TSPAN18: variants seen among roughly 807,000 people sequenced by gnomAD.
The protein encoded by TSPAN18 is tetraspanin-18.
Under a neutral mutation model 27.3 loss-of-function variants are expected in TSPAN18, and 14 were observed. That is an observed-to-expected ratio of 0.51 (90% CI 0.34 to 0.80). The LOEUF (loss-of-function observed/expected upper bound fraction) is 0.80. Among genes scored for constraint, TSPAN18 ranks in the 30% least tolerant of loss-of-function variants. The pLI, the probability that TSPAN18 is intolerant of heterozygous loss-of-function variation, is 0.01. For missense variants in TSPAN18, 268 were observed against 323.9 expected (o/e 0.83, Z 1.32); for synonymous variants, 143 against 136.5 (o/e 1.05, Z -0.33).
intron 1 of TSPAN18, chr11:44,736,094 C>G (rs1854786490): frequency 6.6e-6 from 1 of 152,168 alleles, no homozygotes; most frequent in Admixed American, 6.5e-5. Context: ...GTTCATACAC[C>G]TATACAACTA....
intron 1 of TSPAN18, among the ~76,000 whole-genome samples, chr11:44,735,063 A>G (rs560969207): frequency 6.6e-6 from 1 of 152,308 alleles, no homozygotes; most frequent in Admixed American, 6.5e-5. Context: ...TGGTCTCTGA[A>G]GACAGGGTTC....
intron 2 of TSPAN18, among the ~76,000 whole-genome samples, chr11:44,807,032 G>T (rs889628776): frequency 1.3e-5 from 2 of 151,910 alleles, no homozygotes; most frequent in South Asian, 2.1e-4. Context: ...AATGAGTTGG[G>T]TTTAAGTCAT....
chr11:44,784,250 A>T (rs1476956552), intron 2 of TSPAN18, among the ~76,000 whole-genome samples: 2 of 152,158 alleles, frequency 1.3e-5, no homozygotes, highest in African/African-American at 4.8e-5. Flanking sequence ...GAGGGACCGA[A>T]CAGGCTGTAG....
chr11:44,928,980 A>G, intron 9 of TSPAN18, 151 bp from the exon 10 acceptor site: 1 of 972,782 alleles, frequency 1.0e-6, no homozygotes, highest in Non-Finnish European at 1.6e-6. Flanking sequence ...GCTGGTGAGA[A>G]GGGCTGGCCC....
chr11:44,866,484 G>C (rs568151240), intron 3 of TSPAN18, among the ~76,000 whole-genome samples: 1 of 152,338 alleles, frequency 6.6e-6, no homozygotes, highest in Admixed American at 6.5e-5. Context: ...AATGAGGCCA[G>C]GTGGGCAGCA....
intron 3 of TSPAN18, among the ~76,000 whole-genome samples, chr11:44,882,753 A>C (rs1313135740): frequency 1.3e-5 from 2 of 152,146 alleles, no homozygotes; most frequent in African/African-American, 4.8e-5. Context: ...ACTCAAGGCC[A>C]GAGAGTGGGG....
intron 2 of TSPAN18, among the ~76,000 whole-genome samples, chr11:44,781,571 C>T (rs899185150): frequency 3.9e-5 from 6 of 152,116 alleles, no homozygotes; most frequent in East Asian, 3.9e-4. Flanking sequence ...CAGCAGCCTG[C>T]GCTGGGCATC....
chr11:44,742,532 C>T (rs1350845273), intron 1 of TSPAN18, among the ~76,000 whole-genome samples: 1 of 152,038 alleles, frequency 6.6e-6, no homozygotes, highest in Non-Finnish European at 1.5e-5. Context: ...GTGGACTGGT[C>T]TGTCTTAGAA....
chr11:44,802,782 A>T (rs921036318), intron 2 of TSPAN18, among the ~76,000 whole-genome samples: 1 of 152,176 alleles, frequency 6.6e-6, no homozygotes, highest in African/African-American at 2.4e-5. Flanking sequence ...TGGAAGAGGA[A>T]ATAGTGAAAG....
chr11:44,908,767 AG>A (rs1170979344), intron 4 of TSPAN18, among the ~76,000 whole-genome samples: 1 of 35,088 alleles, frequency 2.8e-5, no homozygotes, highest in African/African-American at 1.2e-4. Flanking sequence ...AGAGAGAGAA[AG>A]GAGAAAGAAA....
intron 2 of TSPAN18, among the ~76,000 whole-genome samples, chr11:44,831,612 T>C (rs769382045): frequency 1.3e-5 from 2 of 152,180 alleles, no homozygotes; most frequent in Non-Finnish European, 2.9e-5. Context: ...TTTGGATCAT[T>C]CATTTACTCG....
intron 4 of TSPAN18, among the ~76,000 whole-genome samples, chr11:44,908,247 G>A (rs2135331813): frequency 6.6e-6 from 1 of 152,170 alleles, no homozygotes; most frequent in South Asian, 2.1e-4. Flanking sequence ...TCAGCTTGCA[G>A]TCCTGCTCAG....
chr11:44,729,415 C>T (rs1200125966), intron 1 of TSPAN18, among the ~76,000 whole-genome samples: 1 of 152,136 alleles, frequency 6.6e-6, no homozygotes, highest in Non-Finnish European at 1.5e-5. Context: ...TTCTCCCTAC[C>T]CCCACCCCAC....
rs1315270438 is a variant in TSPAN18, at chr11:44,727,012, G to A, written c.-515G>A. 6 of 147,522 alleles carry A rather than the reference G, an allele frequency of 4.1e-5. No homozygotes were observed. The highest frequency in any genetic ancestry group is 6.7e-5 in the Admixed American group (1 of 14,850). 9.1% of individuals were successfully genotyped at this position (147,522 alleles called of 1,614,324 possible). The stretch of plus-strand genomic sequence containing the variant: ...CAGGCTGCGGGGCGGACGTAGCGCC[G>A]AGCGATCCACCGCGGAGCCGCGCGA... On this transcript the variant is annotated 5_prime_UTR_variant, in exon 1 of 10. Transcript: ENST00000520358.
Position 44,883,737 on chromosome 11 carries a change from G to C in TSPAN18, c.-10-22670G>C, listed in dbSNP as rs572316405. Among the ~76,000 whole-genome samples the C allele has an allele frequency of 3.3e-5, 5 of 152,328 alleles. No homozygotes were observed. In the South Asian group the frequency reaches 1.0e-3, roughly 32 times the overall value. ...TCTTTCTACTGGGGTTTCTGATTCT[G>C]CTCCACGCTTTGCCCTACCAGCTTT... On this transcript the variant is annotated intron_variant, in intron 3 of 9. Coordinates refer to ENST00000520358, the MANE Select transcript of TSPAN18 (RefSeq NM_130783.5).
intron 2 of TSPAN18, among the ~76,000 whole-genome samples, chr11:44,788,446 CTTTTTTTCTCTTTTTTTTT>C (rs1463546610): frequency 7.0e-6 from 1 of 141,998 alleles, no homozygotes; most frequent in Non-Finnish European, 1.5e-5. Flanking sequence ...GATGGGTTTT[CTTTTTTTCTCTTTTTTTTT>C]TTTTTTTTTT....
intron 1 of TSPAN18, among the ~76,000 whole-genome samples, chr11:44,737,243 G>C (rs1393943523): frequency 6.6e-6 from 1 of 152,232 alleles, no homozygotes; most frequent in Admixed American, 6.5e-5. Context: ...GGGCATCCAG[G>C]ACAGAAAGGC....
intron 2 of TSPAN18, among the ~76,000 whole-genome samples, chr11:44,786,900 A>G (rs187730560): frequency 2.0e-5 from 3 of 152,080 alleles, no homozygotes; most frequent in Admixed American, 2.0e-4. Context: ...CCAAAGTGCT[A>G]GGATTACAGG....
chr11:44,884,453 C>T (rs1179949034), intron 3 of TSPAN18, among the ~76,000 whole-genome samples: 2 of 152,196 alleles, frequency 1.3e-5, no homozygotes, highest in African/African-American at 4.8e-5. Context: ...CAGCGTCAGG[C>T]CCCTGGCCTC....
Sources: gnomAD v4.1 joint callset for allele counts (sites outside exome capture counted in the v4.1 genomes callset) on GRCh38, gnomAD v4.1.1 for gene constraint, MANE v1.5 for transcripts, NCBI Gene and HGNC (gene_info 2026-07-23, HGNC 2026-07-21) for gene names.